ASTN2: variants seen among roughly 807,000 people sequenced by gnomAD.
ASTN2 encodes astrotactin 2.
ASTN2 carries 54 observed loss-of-function variants against 139.8 expected under a neutral mutation model. That is an observed-to-expected ratio of 0.39 (90% CI 0.31 to 0.48). ASTN2 has a LOEUF of 0.48. ASTN2 is among the 20% of genes least tolerant of loss of function. ASTN2 has a pLI of 0.95. For synonymous variants in ASTN2, 756 were observed against 719.5 expected, an observed-to-expected ratio of 1.05 and a Z score of -0.81; for missense variants, 1,565 against 1,725.1, an observed-to-expected ratio of 0.91 and a Z score of 1.64.
chr9:116,731,732 A>G (rs951668948), intron 14 of ASTN2, among the ~76,000 whole-genome samples: 2 of 152,134 alleles, frequency 1.3e-5, no homozygotes, highest in African/African-American at 2.4e-5. Context: ...CCCATACCCT[A>G]TATTTTAGAG....
intron 11 of ASTN2, among the ~76,000 whole-genome samples, chr9:116,852,562 G>C (rs957053773): frequency 6.6e-6 from 1 of 152,162 alleles, no homozygotes; most frequent in Non-Finnish European, 1.5e-5. Context: ...TCAAGGGAAA[G>C]GGATTTCAAA....
chr9:117,173,475 A>G (rs1013068115), intron 3 of ASTN2, among the ~76,000 whole-genome samples: 5 of 152,198 alleles, frequency 3.3e-5, no homozygotes, highest in Non-Finnish European at 5.9e-5. Context: ...CTATTTATAA[A>G]AAGTAGCCAT....
intron 4 of ASTN2, among the ~76,000 whole-genome samples, chr9:117,124,201 G>T (rs1829629382): frequency 6.6e-6 from 1 of 152,000 alleles, no homozygotes; most frequent in South Asian, 2.1e-4. Context: ...AGTAAACCAG[G>T]GTTGGGGGCC....
intron 19 of ASTN2, among the ~76,000 whole-genome samples, chr9:116,571,575 CTGTT>C (rs1236466617): frequency 6.6e-6 from 1 of 152,032 alleles, no homozygotes; most frequent in East Asian, 1.9e-4. Context: ...GTGTCTGTGT[CTGTT>C]TGTGCTGGGT....
At chr9:116,828,312 A>AAT (rs1352113520) in intron 11 of ASTN2, among the ~76,000 whole-genome samples, 1 of 151,734 alleles carries the variant, frequency 6.6e-6, no homozygotes, top group African/African-American at 2.4e-5. Context: ...AAAAAAAAAA[A>AAT]AAAAATACTA....
At chr9:116,895,488 G>C (rs1833859411) in intron 10 of ASTN2, among the ~76,000 whole-genome samples, 1 of 152,182 alleles carries the variant, frequency 6.6e-6, no homozygotes, top group African/African-American at 2.4e-5. Flanking sequence ...ATAAGAGGGT[G>C]GAAGTGGAAG....
intron 13 of ASTN2, among the ~76,000 whole-genome samples, chr9:116,749,031 C>T (rs1588262016): frequency 6.6e-6 from 1 of 151,980 alleles, no homozygotes; most frequent in East Asian, 1.9e-4. Context: ...TCCTGGTCCG[C>T]CCCCCGTCCC....
intron 19 of ASTN2, among the ~76,000 whole-genome samples, chr9:116,617,528 G>A (rs938958067): frequency 9.2e-5 from 14 of 152,074 alleles, no homozygotes; most frequent in Non-Finnish European, 1.6e-4. Context: ...AATTTGAGGC[G>A]ATACCACAAG....
chr9:116,431,033 T>C (rs1847480526), intron 22 of ASTN2, among the ~76,000 whole-genome samples: 3 of 151,960 alleles, frequency 2.0e-5, no homozygotes, highest in Non-Finnish European at 1.5e-5. Flanking sequence ...AAGCAAGAGG[T>C]GAGGGAGGGC....
At chr9:116,782,659 C>T (rs1473058545) in intron 13 of ASTN2, among the ~76,000 whole-genome samples, 5 of 152,128 alleles carry the variant, frequency 3.3e-5, no homozygotes. Context: ...ACTTGGGTTC[C>T]CTTTGGTCTT....
chr9:117,295,594 T>C (rs1162915595), intron 1 of ASTN2, among the ~76,000 whole-genome samples: 1 of 138,508 alleles, frequency 7.2e-6, no homozygotes, highest in East Asian at 1.9e-4. Flanking sequence ...GCTTAATGCA[T>C]ATATATATAT....
intron 16 of ASTN2, among the ~76,000 whole-genome samples, chr9:116,663,903 T>C (rs1459781668): frequency 6.6e-6 from 1 of 152,136 alleles, no homozygotes; most frequent in Non-Finnish European, 1.5e-5. Context: ...TGGATTGCCA[T>C]TGTGACCTTC....
rs112132312 is a variant in ASTN2 at position 116,844,870 on chromosome 9, G to A, written c.2040+18713C>T. On this transcript the variant is annotated intron_variant, in intron 11 of 22. Transcript: ENST00000313400. ...CACACTTACTGAAGACACCAGAAAG[G>A]AAATTCAAATGCTTTCAGGACACAC... Among the ~76,000 whole-genome samples the A allele has an allele frequency of 2.8e-3, 429 of 152,324 alleles. 5 individuals carry two copies. The highest frequency in any genetic ancestry group is 9.7e-3 in the African/African-American group (404 of 41,570).
intron 19 of ASTN2, among the ~76,000 whole-genome samples, chr9:116,522,358 T>C (rs1387621843): frequency 6.6e-6 from 1 of 152,164 alleles, no homozygotes; most frequent in Non-Finnish European, 1.5e-5. Flanking sequence ...AATAATGGCA[T>C]TCACAGTGAC....
At chr9:116,854,687 T>A (rs1381831497) in intron 11 of ASTN2, among the ~76,000 whole-genome samples, 1 of 149,474 alleles carries the variant, frequency 6.7e-6, no homozygotes, top group Non-Finnish European at 1.5e-5. Context: ...AGTCTCCCTC[T>A]GTCCCCCAGG....
chr9:117,081,790 C>T (rs1577133), intron 5 of ASTN2, among the ~76,000 whole-genome samples: 87,788 of 151,938 alleles, frequency 0.58, 26,625 homozygotes, highest in Middle Eastern at 0.72. Context: ...GGCTTCAGAG[C>T]GGCCTCTAAA....
At chr9:116,646,594 C>T (rs775800756) in intron 17 of ASTN2, among the ~76,000 whole-genome samples, 7 of 152,158 alleles carry the variant, frequency 4.6e-5, no homozygotes, top group Non-Finnish European at 1.0e-4. Flanking sequence ...CCACTCATTC[C>T]CACTGCAACC....
intron 7 of ASTN2, among the ~76,000 whole-genome samples, chr9:117,003,668 A>G (rs1465587002): frequency 6.6e-6 from 1 of 151,398 alleles, no homozygotes; most frequent in Non-Finnish European, 1.5e-5. Context: ...TCTAATGGAG[A>G]ACAGCATTAG....
intron 2 of ASTN2, among the ~76,000 whole-genome samples, chr9:117,267,810 G>A (rs1833969657): frequency 6.6e-6 from 1 of 152,094 alleles, no homozygotes; most frequent in Non-Finnish European, 1.5e-5. Context: ...GGGGAGGAGC[G>A]GGGAGTGATT....
Sources: allele counts gnomAD v4.1 joint callset (sites outside exome capture counted in the v4.1 genomes callset), GRCh38; gene constraint gnomAD v4.1.1; transcripts MANE v1.5; gene names NCBI Gene and HGNC (gene_info 2026-07-23, HGNC 2026-07-21).